The following COL21A1 variants were observed in gnomAD, a reference collection of about 807,000 sequenced individuals.
COL21A1 encodes collagen alpha-1(XXI) chain.
A neutral mutation model predicts 137.9 loss-of-function variants in COL21A1; 149 were observed. The ratio of observed to expected loss-of-function variants is 1.08; its 90% CI spans 0.95 to 1.24. The LOEUF (loss-of-function observed/expected upper bound fraction) is 1.24. COL21A1 is among the 50% of genes most tolerant of loss of function. The pLI is 0.00. For missense variants in COL21A1, 1,167 were observed against 1,158.4 expected (o/e 1.01, Z -0.11); for synonymous variants, 456 against 391.5 (o/e 1.16, Z -1.95).
intron 10 of COL21A1, among the ~76,000 whole-genome samples, chr6:56,155,298 G>A (rs915169345): frequency 2.0e-5 from 3 of 152,130 alleles, no homozygotes; most frequent in Non-Finnish European, 4.4e-5. Context: ...AAAAGCCTCA[G>A]CACATTACTA....
chr6:56,196,101 A>G (rs1239626862), intron 1 of COL21A1, among the ~76,000 whole-genome samples: 4 of 152,222 alleles, frequency 2.6e-5, no homozygotes, highest in Non-Finnish European at 5.9e-5. Flanking sequence ...CCACATTAAA[A>G]ACAAAGAATA....
intron 16 of COL21A1, among the ~76,000 whole-genome samples, chr6:56,122,092 CG>C (rs1055983781): frequency 3.9e-5 from 6 of 151,936 alleles, no homozygotes; most frequent in Admixed American, 2.0e-4. Flanking sequence ...GAAGTACTAC[CG>C]ATACAAGCCA....
chr6:56,367,197 T>C (rs1256669557), intron 1 of COL21A1, among the ~76,000 whole-genome samples: 1 of 152,236 alleles, frequency 6.6e-6, no homozygotes, highest in Non-Finnish European at 1.5e-5. Flanking sequence ...ATATAATATA[T>C]GGGAAATCAC....
At chr6:56,140,037 T>C (rs1696324228) in intron 12 of COL21A1, among the ~76,000 whole-genome samples, 1 of 152,202 alleles carries the variant, frequency 6.6e-6, no homozygotes, top group Non-Finnish European at 1.5e-5. Context: ...CCTACATCTG[T>C]AAAATTGAAT....
intron 12 of COL21A1, among the ~76,000 whole-genome samples, chr6:56,134,598 C>A (rs9349802): frequency 0.15 from 22,865 of 152,084 alleles, 1,761 homozygotes; most frequent in Middle Eastern, 0.22. Context: ...TGGAATGATA[C>A]GGTTTGGCTA....
chr6:56,246,507 A>G (rs1022625107), intron 1 of COL21A1, among the ~76,000 whole-genome samples: 1 of 152,096 alleles, frequency 6.6e-6, no homozygotes, highest in Non-Finnish European at 1.5e-5. Flanking sequence ...TCTACTAATA[A>G]ATAACTAAGG....
chr6:56,118,274 C>A (rs900530688), intron 16 of COL21A1, among the ~76,000 whole-genome samples: 1 of 151,240 alleles, frequency 6.6e-6, no homozygotes, highest in Non-Finnish European at 1.5e-5. Flanking sequence ...TGCAGAAATT[C>A]AAAGGATCAT....
intron 10 of COL21A1, among the ~76,000 whole-genome samples, chr6:56,155,237 G>A (rs1024364706): frequency 1.3e-5 from 2 of 152,144 alleles, no homozygotes; most frequent in Non-Finnish European, 2.9e-5. Context: ...TCTCTAGAGA[G>A]GTTTACCTGT....
chr6:56,251,110 C>G (rs1782842234), upstream of COL21A1, among the ~76,000 whole-genome samples: 1 of 152,272 alleles, frequency 6.6e-6, no homozygotes, highest in East Asian at 1.9e-4. Context: ...TGCAGGCTAT[C>G]AAGATAGAAG....
chr6:56,384,021 T>C (rs921285868), intron 1 of COL21A1, among the ~76,000 whole-genome samples: 1 of 152,136 alleles, frequency 6.6e-6, no homozygotes, highest in African/African-American at 2.4e-5. Flanking sequence ...TAGGCACAAT[T>C]CTTAGCCCCC....
intron 1 of COL21A1, chr6:56,231,281 G>A (rs533135712): frequency 1.6e-3 from 242 of 151,970 alleles, no homozygotes; most frequent in African/African-American, 5.5e-3. Context: ...ATAAAAGGAA[G>A]CTCTGGTATG....
chr6:56,331,136 A>T (rs559202003), intron 1 of COL21A1, among the ~76,000 whole-genome samples: 1 of 151,902 alleles, frequency 6.6e-6, no homozygotes, highest in East Asian at 1.9e-4. Context: ...CCACTTTTTA[A>T]TGGAGTTATT....
intron 1 of COL21A1, among the ~76,000 whole-genome samples, chr6:56,209,678 G>A (rs1234884873): frequency 6.6e-6 from 1 of 152,174 alleles, no homozygotes; most frequent in East Asian, 1.9e-4. Flanking sequence ...TACACTTGGT[G>A]GGAGTGTAAA....
chr6:56,267,091 A>G (rs1469593293), intron 1 of COL21A1, among the ~76,000 whole-genome samples: 1 of 152,210 alleles, frequency 6.6e-6, no homozygotes, highest in Non-Finnish European at 1.5e-5. Context: ...GCAGACATTC[A>G]CCAAAATATG....
intron 24 of COL21A1, among the ~76,000 whole-genome samples, 187 bp downstream of exon 24, chr6:56,064,391 C>G (rs1372676002): frequency 6.6e-6 from 1 of 152,112 alleles, no homozygotes; most frequent in Admixed American, 6.6e-5. Flanking sequence ...AAAGTGAAAA[C>G]ACAAAACAAA....
chr6:56,217,979 G>A (rs1780595228), intron 1 of COL21A1, among the ~76,000 whole-genome samples: 1 of 152,052 alleles, frequency 6.6e-6, no homozygotes. Flanking sequence ...ACATGAGAAT[G>A]ACATGTCATG....
rs748154916 is a variant in COL21A1, at chr6:56,313,465, A to G, written c.-39+80506T>C. The stretch of plus-strand genomic sequence containing the variant: ...GTAAGTGCAAGATCAGGGTGCCAGC[A>G]TGGTTGGGTTCTGGTAAGAGCCCTT... On this transcript the variant is annotated intron_variant, in intron 1 of 28. Transcript: ENST00000370819. Among the ~76,000 whole-genome samples the G allele has an allele frequency of 4.6e-5, 7 of 152,262 alleles. No individual in the cohort carries two copies. In the East Asian group the frequency reaches 1.2e-3, roughly 25 times the overall value.
intron 25 of COL21A1, 183 bp from the exon 26 acceptor site, chr6:56,061,220 A>G (rs960716661): frequency 1.7e-5 from 10 of 585,516 alleles, no homozygotes; most frequent in Admixed American, 3.7e-5. Flanking sequence ...TTAAACTGTC[A>G]TTTATCCATC....
At chr6:56,322,435 G>A (rs1219959674) in intron 1 of COL21A1, among the ~76,000 whole-genome samples, 2 of 152,164 alleles carry the variant, frequency 1.3e-5, no homozygotes, top group East Asian at 3.9e-4. Flanking sequence ...ACAACCAGGA[G>A]AATGCAGAAA....
Sources: allele counts gnomAD v4.1 joint callset (sites outside exome capture counted in the v4.1 genomes callset), GRCh38; gene constraint gnomAD v4.1.1; transcripts MANE v1.5; gene names NCBI Gene and HGNC (gene_info 2026-07-23, HGNC 2026-07-21).